The following BICC1 variants were observed in gnomAD, a reference collection of about 807,000 sequenced individuals.
BICC1 encodes the protein protein bicaudal C homolog 1.
Under a neutral mutation model 111.0 loss-of-function variants are expected in BICC1, and 43 were observed. The ratio of observed to expected loss-of-function variants is 0.39; its 90% CI spans 0.30 to 0.50. BICC1 has a LOEUF of 0.50. BICC1 is among the 20% of genes least tolerant of loss of function. The pLI is 0.88. For synonymous variants in BICC1, 467 were observed against 434.4 expected (o/e 1.07, Z -0.93); for missense variants, 1,091 against 1,203.2 (o/e 0.91, Z 1.38).
intron 2 of BICC1, among the ~76,000 whole-genome samples, chr10:58,682,275 C>G (rs577491190): frequency 6.6e-6 from 1 of 152,062 alleles, no homozygotes; most frequent in African/African-American, 2.4e-5. Flanking sequence ...CATTGATGAA[C>G]ATTTGGGTTG....
chr10:58,695,510 A>C (rs1840042190), intron 2 of BICC1, among the ~76,000 whole-genome samples: 1 of 152,174 alleles, frequency 6.6e-6, no homozygotes, highest in Non-Finnish European at 1.5e-5. Flanking sequence ...AGAGAGTATA[A>C]ATGTTGAGTT....
At chr10:58,746,417 A>G (rs184610078) in intron 3 of BICC1, among the ~76,000 whole-genome samples, 1 of 152,268 alleles carries the variant, frequency 6.6e-6, no homozygotes, top group Non-Finnish European at 1.5e-5. Flanking sequence ...GTCTCTGAAT[A>G]TTTGCTCCCT....
intron 10 of BICC1, among the ~76,000 whole-genome samples, chr10:58,797,765 A>G (rs1295775607): frequency 6.6e-6 from 1 of 152,196 alleles, no homozygotes; most frequent in African/African-American, 2.4e-5. Flanking sequence ...TAAATGCCCA[A>G]AGGAAAATTT....
chr10:58,802,472 C>T (rs1029647801), intron 14 of BICC1, among the ~76,000 whole-genome samples: 1 of 152,194 alleles, frequency 6.6e-6, no homozygotes, highest in Admixed American at 6.5e-5. Flanking sequence ...GCATTCTGTA[C>T]ATATCATGTG....
chr10:58,782,647 T>C (rs751844996), intron 3 of BICC1, among the ~76,000 whole-genome samples: 12 of 151,880 alleles, frequency 7.9e-5, no homozygotes, highest in Non-Finnish European at 1.6e-4. Flanking sequence ...TAGTTGAGAG[T>C]GAAATTTTGA....
At chr10:58,663,930 T>C (rs1838926920) in intron 2 of BICC1, among the ~76,000 whole-genome samples, 1 of 152,210 alleles carries the variant, frequency 6.6e-6, no homozygotes, top group Admixed American at 6.5e-5. Context: ...AGTGGTCTAT[T>C]GTATGGGTAT....
Position 58,789,828 on chromosome 10 carries a change from A to G in BICC1, c.942A>G (p.Thr314=). ...ACATCAAACATATCATGCAGAGAAC[A>G]GGTGCTCAGATCCACTTTCCTGATC... ...GSNIKHIMQR[T]GAQIHFPDPS... is the part of the protein sequence containing the mutation. The change falls in exon 8 of 21, where the codon ACA becomes ACG. Residue 314 remains threonine (T), a synonymous_variant. Coordinates refer to ENST00000373886, the MANE Select transcript of BICC1 (RefSeq NM_001080512.3). 1 of 1,614,190 alleles carries G rather than the reference A, an allele frequency of 6.2e-7. No individual in the cohort carries two copies. Among genetic ancestry groups the G allele is most frequent in the South Asian group, 1.1e-5 (1 of 91,082 alleles).
intron 3 of BICC1, among the ~76,000 whole-genome samples, chr10:58,717,138 C>G (rs189076513): frequency 5.9e-4 from 90 of 152,272 alleles, no homozygotes; most frequent in African/African-American, 2.0e-3. Context: ...ACTTTTCGAA[C>G]TTGATAGCTA....
intron 6 of BICC1, 34 bp from the exon 7 acceptor site, chr10:58,789,228 C>T (rs1843102245): frequency 2.5e-6 from 4 of 1,570,510 alleles, no homozygotes; most frequent in Admixed American, 1.7e-5. Context: ...AATGCTTTAA[C>T]TCTCTGCTTT....
At chr10:58,814,324 A>G (rs538767921) in intron 18 of BICC1, 8 of 585,816 alleles carry the variant, frequency 1.4e-5, no homozygotes, top group South Asian at 2.1e-5. Context: ...CCATGTGTCA[A>G]GTATTCTGTT....
intron 1 of BICC1, among the ~76,000 whole-genome samples, chr10:58,565,919 G>C (rs1843741317): frequency 6.6e-6 from 1 of 152,056 alleles, no homozygotes; most frequent in Admixed American, 6.5e-5. Context: ...CCTTACCCAA[G>C]CACTGCACAC....
chr10:58,622,002 C>T (rs1845834257), intron 2 of BICC1, among the ~76,000 whole-genome samples: 1 of 149,646 alleles, frequency 6.7e-6, no homozygotes, highest in Non-Finnish European at 1.5e-5. Flanking sequence ...GAAATCTCTC[C>T]TCTACCACAA....
At chr10:58,777,151 C>CATT (rs1341308209) in intron 3 of BICC1, among the ~76,000 whole-genome samples, 1 of 151,398 alleles carries the variant, frequency 6.6e-6, no homozygotes, top group Non-Finnish European at 1.5e-5. Flanking sequence ...ACTTTGTTTG[C>CATT]ATTTCATTGT....
chr10:58,543,010 C>G (rs1359140960), intron 1 of BICC1, among the ~76,000 whole-genome samples: 1 of 152,064 alleles, frequency 6.6e-6, no homozygotes, highest in African/African-American at 2.4e-5. Context: ...AGCAATCTCA[C>G]TTCTGGGTTT....
chr10:58,611,329 G>T (rs1371634541), intron 1 of BICC1, among the ~76,000 whole-genome samples: 1 of 151,978 alleles, frequency 6.6e-6, no homozygotes, highest in East Asian at 1.9e-4. Flanking sequence ...TAATATTTTG[G>T]TATTTATCCT....
intron 1 of BICC1, among the ~76,000 whole-genome samples, chr10:58,546,917 G>A (rs1169081117): frequency 6.6e-6 from 1 of 152,134 alleles, no homozygotes; most frequent in Admixed American, 6.5e-5. Context: ...CAGACTTTCA[G>A]ATGTGCTTAA....
chr10:58,766,480 T>G (rs1842459110), intron 3 of BICC1, among the ~76,000 whole-genome samples: 2 of 152,110 alleles, frequency 1.3e-5, no homozygotes, highest in Admixed American at 6.5e-5. Flanking sequence ...ATAGTAAAAT[T>G]TGGATAATCT....
intron 3 of BICC1, among the ~76,000 whole-genome samples, chr10:58,774,316 G>A (rs1183636389): frequency 6.6e-6 from 1 of 152,170 alleles, no homozygotes; most frequent in African/African-American, 2.4e-5. Context: ...AATTGAGAAA[G>A]CATTGTTGTC....
At chr10:58,601,160 A>ATATATATATATC (rs1564506839) in intron 1 of BICC1, among the ~76,000 whole-genome samples, 3 of 139,166 alleles carry the variant, frequency 2.2e-5, no homozygotes, top group African/African-American at 5.1e-5. Flanking sequence ...ATATATATAT[A>ATATATATATATC]TATATATATA....
Sources: allele counts gnomAD v4.1 joint callset (sites outside exome capture counted in the v4.1 genomes callset), GRCh38; gene constraint gnomAD v4.1.1; transcripts MANE v1.5; gene names NCBI Gene and HGNC (gene_info 2026-07-23, HGNC 2026-07-21).